SHANK2: variants seen among roughly 807,000 people sequenced by gnomAD.
The protein encoded by SHANK2 is SH3 and multiple ankyrin repeat domains 2.
SHANK2 carries 43 observed loss-of-function variants against 133.7 expected under a neutral mutation model. That is an observed-to-expected ratio of 0.32 (90% CI 0.25 to 0.41). The LOEUF (loss-of-function observed/expected upper bound fraction) is 0.41, where lower values mean the gene tolerates loss of function less well. Ranked by LOEUF, SHANK2 falls within the 10% of genes least tolerant of loss-of-function variation. SHANK2 has a pLI of 1.00. For synonymous variants in SHANK2, 1,017 were observed against 952.8 expected (o/e 1.07, Z -1.24); for missense variants, 1,994 against 2,235.8 (o/e 0.89, Z 2.18).
intron 9 of SHANK2, among the ~76,000 whole-genome samples, chr11:71,063,616 G>A (rs1353497157): frequency 6.6e-6 from 1 of 152,250 alleles, no homozygotes; most frequent in African/African-American, 2.4e-5. Context: ...GAAAAACTGT[G>A]ATCCAGGAGG....
At chr11:71,162,507 C>T (rs1256318501) in intron 2 of SHANK2, among the ~76,000 whole-genome samples, 3 of 152,106 alleles carry the variant, frequency 2.0e-5, no homozygotes, top group Admixed American at 6.5e-5. Flanking sequence ...CAGCCACCAA[C>T]AGGAAACTAA....
In SHANK2 at chr11:70,482,396, C is replaced by T. The variant is rs193142252; in HGVS notation, c.4979+2918G>A. Among the ~76,000 whole-genome samples, 17 of 152,364 alleles carry T rather than the reference C, an allele frequency of 1.1e-4. No individual in the cohort carries two copies. The East Asian group carries it at 1.2e-3, about 10-fold the overall frequency. ...TCAGAGGCCTGAGAGCAGCCCCGCC[C>T]GCGGCAGTCTCAGCCTTGCAGGTGT... On this transcript the variant is annotated intron_variant, in intron 25 of 25. Coordinates refer to ENST00000601538, the MANE Select transcript of SHANK2 (RefSeq NM_012309.5).
intron 14 of SHANK2, among the ~76,000 whole-genome samples, chr11:70,740,875 T>G (rs1946508936): frequency 6.6e-6 from 1 of 152,134 alleles, no homozygotes; most frequent in Non-Finnish European, 1.5e-5. Context: ...AATCCCTCAC[T>G]GAGGGAACAT....
At chr11:70,675,216 C>T (rs1469183193) in intron 15 of SHANK2, among the ~76,000 whole-genome samples, 3 of 152,302 alleles carry the variant, frequency 2.0e-5, no homozygotes, top group East Asian at 1.9e-4. Context: ...TGGGGATAGA[C>T]CTGAATTCTG....
At chr11:71,200,192 A>G (rs1342566193) in intron 2 of SHANK2, among the ~76,000 whole-genome samples, 2 of 152,174 alleles carry the variant, frequency 1.3e-5, no homozygotes, top group African/African-American at 4.8e-5. Context: ...CAATCTGGAC[A>G]ATGCGGATAA....
At chr11:70,886,422 G>C (rs1177298268) in intron 11 of SHANK2, among the ~76,000 whole-genome samples, 1 of 152,186 alleles carries the variant, frequency 6.6e-6, no homozygotes, top group Admixed American at 6.5e-5. Context: ...CGACCACTCT[G>C]ATCTAATGAA....
At chr11:71,212,024 T>C (rs1451586446) in intron 2 of SHANK2, among the ~76,000 whole-genome samples, 1 of 152,198 alleles carries the variant, frequency 6.6e-6, no homozygotes, top group Non-Finnish European at 1.5e-5. Context: ...ATTTTGTTTT[T>C]TGCAAAACCC....
chr11:70,657,613 G>A (rs538240831), intron 17 of SHANK2, among the ~76,000 whole-genome samples: 42 of 152,272 alleles, frequency 2.8e-4, no homozygotes, highest in Middle Eastern at 3.4e-3. Context: ...GAGCAGCCTC[G>A]TAGGGCTGTG....
At chr11:70,949,279 C>T (rs1950798870) in intron 10 of SHANK2, among the ~76,000 whole-genome samples, 1 of 152,210 alleles carries the variant, frequency 6.6e-6, no homozygotes, top group Non-Finnish European at 1.5e-5. Flanking sequence ...AGAACACAGG[C>T]AGCGGGGGTG....
chr11:70,581,863 G>C (rs1420653487), intron 17 of SHANK2, among the ~76,000 whole-genome samples: 1 of 152,192 alleles, frequency 6.6e-6, no homozygotes, highest in African/African-American at 2.4e-5. Context: ...ATGGCCCCTG[G>C]GAAGCCACTT....
chr11:71,187,909 T>C (rs945681546), intron 2 of SHANK2, among the ~76,000 whole-genome samples: 4 of 152,210 alleles, frequency 2.6e-5, no homozygotes, highest in Admixed American at 2.6e-4. Flanking sequence ...GTGCTGTGCA[T>C]GTGGTGCCGG....
intron 17 of SHANK2, among the ~76,000 whole-genome samples, chr11:70,541,204 C>T (rs545295168): frequency 5.9e-5 from 9 of 152,210 alleles, no homozygotes; most frequent in Non-Finnish European, 1.0e-4. Flanking sequence ...GCTCCCTGAT[C>T]GGGATACACC....
intron 2 of SHANK2, among the ~76,000 whole-genome samples, chr11:71,210,480 G>C (rs1158869698): frequency 6.6e-6 from 1 of 151,504 alleles, no homozygotes; most frequent in Non-Finnish European, 1.5e-5. Flanking sequence ...CAAATCTCCT[G>C]ACCTTGCGAT....
At chr11:70,501,801 T>C (rs1426502361) in intron 20 of SHANK2, 122 bp downstream of exon 20, 6 of 998,632 alleles carry the variant, frequency 6.0e-6, no homozygotes, top group East Asian at 2.6e-5. Flanking sequence ...TGGAGCCTTC[T>C]GGTCTGAGCC....
rs1027066001 is a variant in SHANK2 at position 70,610,362 on chromosome 11, T to C, written c.2061+49466A>G. On this transcript the variant is annotated intron_variant, in intron 17 of 25. Coordinates refer to ENST00000601538, the MANE Select transcript of SHANK2 (RefSeq NM_012309.5). ...CTCTTGCTGCTCAGCTGCAAAAAAATGAATTATTGCCTGGTTTTATGAGTC... is the reference window on the plus strand; with the variant it reads ...CTCTTGCTGCTCAGCTGCAAAAAAACGAATTATTGCCTGGTTTTATGAGTC... Among the ~76,000 whole-genome samples the C allele has an allele frequency of 1.1e-4, 16 of 151,972 alleles. No individual in the cohort carries two copies. The East Asian group carries it at 2.7e-3, about 26-fold the overall frequency.
intron 14 of SHANK2, among the ~76,000 whole-genome samples, chr11:70,699,446 C>T (rs1465875174): frequency 6.6e-6 from 1 of 152,094 alleles, no homozygotes; most frequent in African/African-American, 2.4e-5. Flanking sequence ...TAGCAGCTCA[C>T]GAGTTCCTGT....
intron 17 of SHANK2, among the ~76,000 whole-genome samples, chr11:70,534,150 T>C (rs531351571): frequency 6.6e-6 from 1 of 152,308 alleles, no homozygotes; most frequent in South Asian, 2.1e-4. Context: ...GACTGGGTAA[T>C]TTATAAAGGA....
At chr11:71,153,499 A>G (rs1173768853) in intron 2 of SHANK2, among the ~76,000 whole-genome samples, 4 of 152,236 alleles carry the variant, frequency 2.6e-5, no homozygotes, top group African/African-American at 9.6e-5. Context: ...TTCGTCCTCC[A>G]GTACCTCTGA....
chr11:71,193,479 C>T (rs897105414), intron 2 of SHANK2, among the ~76,000 whole-genome samples: 1 of 152,210 alleles, frequency 6.6e-6, no homozygotes, highest in Non-Finnish European at 1.5e-5. Flanking sequence ...ATCTCATGAC[C>T]CCATCCAGAG....
Sources: allele counts gnomAD v4.1 joint callset (sites outside exome capture counted in the v4.1 genomes callset), GRCh38; gene constraint gnomAD v4.1.1; transcripts MANE v1.5; gene names NCBI Gene and HGNC (gene_info 2026-07-23, HGNC 2026-07-21).